Variants in LRRC14B observed in about 807,000 individuals in gnomAD.
LRRC14B encodes leucine-rich repeat-containing protein 14B.
LRRC14B carries 23 observed loss-of-function variants against 16.9 expected under a neutral mutation model. The observed-to-expected ratio is 1.36, with a 90% confidence interval of 0.98 to 1.92. LRRC14B has a LOEUF of 1.92. LRRC14B is among the 30% of genes most tolerant of loss of function. LRRC14B has a pLI of 0.00. For synonymous variants in LRRC14B, 358 were observed against 332.5 expected (o/e 1.08, Z -0.83); for missense variants, 766 against 705.7 (o/e 1.09, Z -0.97).
Position 192,081 on chromosome 5 carries a change from G to A in LRRC14B, c.543G>A (p.Pro181=), listed in dbSNP as rs781257248. Residue 181 remains proline, a synonymous_variant, in exon 1 of 2, where the codon CCG becomes CCA. Coordinates refer to ENST00000328278, the MANE Select transcript of LRRC14B (RefSeq NM_001080478.3). ...AVVQALRPAG[P]APLRVHCPSF... Reference sequence around the variant, plus strand: ...TGCAGGCTCTGAGGCCAGCGGGCCCGGCCCCTCTGCGGGTGCACTGCCCCT... The same window carrying A: ...TGCAGGCTCTGAGGCCAGCGGGCCCAGCCCCTCTGCGGGTGCACTGCCCCT... The A allele has an allele frequency of 5.2e-6, 8 of 1,549,590 alleles. No individual in the cohort carries two copies. The highest frequency in any genetic ancestry group is 1.7e-4 in the Middle Eastern group (1 of 5,914).
Position 195,628 on chromosome 5 carries a change from C to T in LRRC14B, c.*275C>T, listed in dbSNP as rs73730746. ...CAGTGACAGGGTCAGCGGGGGCAGA[C>T]GCCACATGGCAAAGAGCAGAGAAGC... On this transcript the variant is annotated 3_prime_UTR_variant, in exon 2 of 2. Coordinates refer to ENST00000328278, the MANE Select transcript of LRRC14B (RefSeq NM_001080478.3). The T allele has an allele frequency of 3.4e-3, 1,614 of 469,668 alleles. 22 individuals are homozygous for T. The highest frequency in any genetic ancestry group is 0.029 in the African/African-American group (1,472 of 50,948). The allele number at this position is 469,668 out of a possible 1,614,324, so 29.1% of individuals were successfully genotyped here.
chr5:194,017 A>C (rs553780433), intron 1 of LRRC14B, among the ~76,000 whole-genome samples: 21 of 152,252 alleles, frequency 1.4e-4, no homozygotes, highest in Admixed American at 1.3e-3. Context: ...CCAAGTCAGA[A>C]TATGGGATGT....
rs1342131240 is a variant in LRRC14B at position 192,438 on chromosome 5, G to A, written c.899+1G>A. On this transcript the variant is annotated splice_donor_variant, in intron 1 of 1. Coordinates refer to ENST00000328278, the MANE Select transcript of LRRC14B (RefSeq NM_001080478.3). LOFTEE classifies it high-confidence loss of function. ...CCGGGAAGATCCCGACGCTGCTTGG[G>A]TGAGTCTTGGGGAGGGGACTGAGGG... 6.5e-7 allele frequency: 1 copy of A among 1,527,422 alleles called. No homozygotes were observed. Among genetic ancestry groups the A allele is most frequent in the Middle Eastern group, 1.8e-4 (1 of 5,710 alleles). The allele number at this position is 1,527,422 out of a possible 1,614,324, so 94.6% of individuals were successfully genotyped here.
chr5:191,980 G>C lies in LRRC14B; in HGVS notation c.442G>C (p.Glu148Gln). Residue 148 changes from glutamate to glutamine, a missense_variant, in exon 1 of 2, where the codon GAG becomes CAG. By Grantham distance (29) the Glu-to-Gln change is conservative. Transcript: ENST00000328278. Reference protein sequence around the residue: ...LARTCCELQAEPLAAGRPVEV... With the variant: ...LARTCCELQAQPLAAGRPVEV... ...CAGGACCTGCTGTGAGCTGCAGGCA[G>C]AGCCCCTCGCAGCCGGGCGCCCCGT... 6.5e-7 allele frequency: 1 copy of C among 1,531,982 alleles called. No individual in the cohort carries two copies. The highest frequency in any genetic ancestry group is 8.7e-7 in the Non-Finnish European group (1 of 1,144,984). 94.9% of individuals were successfully genotyped at this position (1,531,982 alleles called of 1,614,324 possible). A position where few individuals can be genotyped will look rare whatever the true frequency, so the allele number is the denominator to read the frequency against.
Position 191,552 on chromosome 5 carries a change from G to A in LRRC14B, c.14G>A (p.Arg5Lys). MDTM[R>K]SLRFISAEAL... ...CTGTCTCGGGCCATGGACACAATGA[G>A]GTCACTCCGCTTCATTTCTGCAGAA... is the stretch of plus-strand genomic sequence containing the variant. The change falls in exon 1 of 2, where the codon AGG (arginine) becomes AAG (lysine). Residue 5 changes from arginine (R) to lysine (K), a missense_variant. Arg to Lys is a conservative substitution (Grantham distance 26). Coordinates refer to ENST00000328278, the MANE Select transcript of LRRC14B (RefSeq NM_001080478.3). 1.2e-6 allele frequency: 2 copies of A among 1,611,456 alleles called. No individual in the cohort carries two copies. Among genetic ancestry groups the A allele is most frequent in the Non-Finnish European group, 1.7e-6 (2 of 1,178,730 alleles).
chr5:195,371 G>C lies in LRRC14B; in HGVS notation c.*18G>C. On this transcript the variant is annotated 3_prime_UTR_variant, in exon 2 of 2. Transcript: ENST00000328278. ...TAGAGTAGTTCCTCCACTCGCACCA[G>C]TGACAGGTCTTGCATTTCAGCCTGC... The C allele has an allele frequency of 2.5e-6, 4 of 1,592,292 alleles. No homozygotes were observed. The highest frequency in any genetic ancestry group is 3.4e-6 in the Non-Finnish European group (4 of 1,175,056).
At chr5:193,594 G>A (rs1733853750) in intron 1 of LRRC14B, among the ~76,000 whole-genome samples, 2 of 146,390 alleles carry the variant, frequency 1.4e-5, no homozygotes, top group Admixed American at 1.3e-4. Flanking sequence ...GGTGGCACCA[G>A]GCAGTAGATC....
rs1399916711 is a variant in LRRC14B, at chr5:192,213, T to C, written c.675T>C (p.His225=). Reference sequence around the variant, plus strand: ...AGGTGGTGCACAACGTGCGGCTGCATGCGGGCCACGTGCAGCAGCTTCTGG... The same window carrying C: ...AGGTGGTGCACAACGTGCGGCTGCACGCGGGCCACGTGCAGCAGCTTCTGG... ...KLEVVHNVRL[H]AGHVQQLLAQ... The change falls in exon 1 of 2, where the codon CAT becomes CAC. Residue 225 remains histidine, a synonymous_variant. Transcript: ENST00000328278. 1 of 1,598,656 alleles carries C rather than the reference T, an allele frequency of 6.3e-7. No homozygotes were observed. The highest frequency in any genetic ancestry group is 2.3e-5 in the East Asian group (1 of 44,028).
chr5:192,178 C>T lies in LRRC14B; in HGVS notation c.640C>T (p.Arg214Cys), dbSNP rs561444236. ...GCGTCTGGCTGGCCCGGGTGCCCTG[C>T]GCAAGCTGGAGGTGGTGCACAACGT... is the stretch of plus-strand genomic sequence containing the variant. ...VLRLAGPGAL[R>C]KLEVVHNVRL... is the part of the protein sequence containing the mutation. Residue 214 changes from arginine to cysteine, a missense_variant, in exon 1 of 2, where the codon CGC (arginine) becomes TGC (cysteine). Physicochemically the swap from Arg to Cys is radical, Grantham distance 180. Coordinates refer to ENST00000328278, the MANE Select transcript of LRRC14B (RefSeq NM_001080478.3). 212 of 1,600,540 alleles carry T rather than the reference C, an allele frequency of 1.3e-4. No individual in the cohort carries two copies. In the East Asian group the frequency reaches 4.1e-3, roughly 31 times the overall value.
rs765038220 is a variant in LRRC14B, at chr5:195,405, C to T, written c.*52C>T. On this transcript the variant is annotated 3_prime_UTR_variant, in exon 2 of 2. Transcript: ENST00000328278. ...CTTGCATTTCAGCCTGCAGGTGCCC[C>T]GGGCTTTAGTCCTGGATCTGAGGCT... The T allele has an allele frequency of 1.3e-4, 197 of 1,515,634 alleles. No individual in the cohort carries two copies. Among genetic ancestry groups the T allele is most frequent in the Non-Finnish European group, 1.5e-4 (170 of 1,123,818 alleles). 93.9% of individuals were successfully genotyped at this position (1,515,634 alleles called of 1,614,324 possible). A position where few individuals can be genotyped will look rare whatever the true frequency, so the allele number is the denominator to read the frequency against.
rs916997527 is a variant in LRRC14B, at chr5:191,846, G to A, written c.308G>A (p.Ser103Asn). ...GCGGACCACGTGCTGCAGGACCGGAGCCGCCGGCGGCTGCGGGTGGCTGAC... is the reference window on the plus strand; with the variant it reads ...GCGGACCACGTGCTGCAGGACCGGAACCGCCGGCGGCTGCGGGTGGCTGAC... ...GLADHVLQDR[S>N]RRRLRVADLT... The change falls in exon 1 of 2, where the codon AGC (serine) becomes AAC (asparagine). Residue 103 changes from serine to asparagine, a missense_variant. Coordinates refer to ENST00000328278, the MANE Select transcript of LRRC14B (RefSeq NM_001080478.3). The A allele has an allele frequency of 6.6e-7, 1 of 1,525,862 alleles. No individual in the cohort carries two copies. Among genetic ancestry groups the A allele is most frequent in the Non-Finnish European group, 8.8e-7 (1 of 1,142,442 alleles). 94.5% of individuals were successfully genotyped at this position (1,525,862 alleles called of 1,614,324 possible).
Position 192,003 on chromosome 5 carries a change from C to T in LRRC14B, c.465C>T (p.Pro155=), listed in dbSNP as rs1384422300. ...LQAEPLAAGR[P]VEVLADLFVT... ...CAGAGCCCCTCGCAGCCGGGCGCCC[C>T]GTCGAGGTCCTCGCCGACCTCTTCG... The change falls in exon 1 of 2, where the codon CCC becomes CCT. Residue 155 remains proline (P), a synonymous_variant. Transcript: ENST00000328278. 18 of 1,534,026 alleles carry T rather than the reference C, an allele frequency of 1.2e-5. 1 individual carries two copies. Among genetic ancestry groups the T allele is most frequent in the Middle Eastern group, 3.6e-4 (2 of 5,550 alleles).
Position 191,790 on chromosome 5 carries a change from G to A in LRRC14B, c.252G>A (p.Arg84=). The A allele has an allele frequency of 6.5e-7, 1 of 1,537,372 alleles. No homozygotes were observed. Among genetic ancestry groups the A allele is most frequent in the African/African-American group, 1.4e-5 (1 of 72,910 alleles). The part of the protein sequence containing the change: ...HPQDLRDRTC[R]ACLEALVRGL... ...AGGACCTGCGCGACAGAACCTGCAG[G>A]GCCTGCCTGGAGGCGCTGGTGCGCG... The change falls in exon 1 of 2, where the codon AGG becomes AGA. Residue 84 remains arginine, a synonymous_variant. Coordinates refer to ENST00000328278, the MANE Select transcript of LRRC14B (RefSeq NM_001080478.3).
At chr5:192,993 G>A (rs1383296727) in intron 1 of LRRC14B, among the ~76,000 whole-genome samples, 2 of 152,184 alleles carry the variant, frequency 1.3e-5, no homozygotes, top group African/African-American at 2.4e-5. Flanking sequence ...GCAGATCTGC[G>A]TGAAGGAGGC....
In LRRC14B at chr5:192,285, G is replaced by C. The variant is rs1733820306; in HGVS notation, c.747G>C (p.Lys249Asn). The C allele has an allele frequency of 1.2e-6, 2 of 1,600,134 alleles. No homozygotes were observed. Among genetic ancestry groups the C allele is most frequent in the Non-Finnish European group, 1.7e-6 (2 of 1,174,524 alleles). ...PRLASLTLPT[K>N]AFDAPPTYAS... ...TGGCCTCGCTCACCCTGCCCACCAA[G>C]GCCTTTGATGCACCCCCCACCTACG... The change falls in exon 1 of 2, where the codon AAG becomes AAC. Residue 249 changes from lysine to asparagine, a missense_variant. By Grantham distance (94) the Lys-to-Asn change is moderately conservative. Transcript: ENST00000328278.
chr5:193,988 C>G (rs1733860176), intron 1 of LRRC14B, among the ~76,000 whole-genome samples: 1 of 152,088 alleles, frequency 6.6e-6, no homozygotes, highest in Non-Finnish European at 1.5e-5. Flanking sequence ...TGTATTAGAG[C>G]TAGGCTGCCC....
Position 191,795 on chromosome 5 carries a change from GCCT to G in LRRC14B, c.258_260del (p.Cys86_Leu87delinsTrp). The G allele has an allele frequency of 6.5e-7, 1 of 1,534,938 alleles. No individual in the cohort carries two copies. The highest frequency in any genetic ancestry group is 8.7e-7 in the Non-Finnish European group (1 of 1,143,720). ...CTGCGCGACAGAACCTGCAGGGCCT[GCCT>G]GGAGGCGCTGGTGCGCGGCCTCGCG... On this transcript the variant is annotated inframe_deletion, in exon 1 of 2. Transcript: ENST00000328278.
chr5:192,480 G>T, intron 1 of LRRC14B, 43 bp downstream of exon 1: 1 of 1,454,964 alleles, frequency 6.9e-7, no homozygotes, highest in Admixed American at 2.7e-5. Context: ...GGTGGCTGCA[G>T]AGGCAAGGAG....
At position 192,141 on chromosome 5, in the gene LRRC14B, C is replaced by T; in HGVS notation, c.603C>T (p.Leu201=). The T allele has an allele frequency of 6.3e-7, 1 of 1,589,596 alleles. No individual in the cohort carries two copies. The highest frequency in any genetic ancestry group is 8.5e-7 in the Non-Finnish European group (1 of 1,169,622). Residue 201 remains leucine (L), a synonymous_variant, in exon 1 of 2, where the codon CTC becomes CTT. Coordinates refer to ENST00000328278, the MANE Select transcript of LRRC14B (RefSeq NM_001080478.3). ...FRADSLSPSQ[L]LHVLRLAGPG... ...CGGACAGCCTGAGCCCCAGCCAGCT[C>T]CTGCACGTGCTGCGTCTGGCTGGCC...
Sources: allele counts gnomAD v4.1 joint callset (sites outside exome capture counted in the v4.1 genomes callset), GRCh38; gene constraint gnomAD v4.1.1; transcripts MANE v1.5; gene names NCBI Gene and HGNC (gene_info 2026-07-23, HGNC 2026-07-21).